The following ADARB2 variants were observed in gnomAD, a reference collection of about 807,000 sequenced individuals.
The protein encoded by ADARB2 is adenosine deaminase RNA specific B2 (inactive).
ADARB2 carries 25 observed loss-of-function variants against 62.2 expected under a neutral mutation model. The observed-to-expected ratio is 0.40, with a 90% CI of 0.29 to 0.56. The LOEUF (loss-of-function observed/expected upper bound fraction) is 0.56, where lower values mean the gene tolerates loss of function less well. Ranked by LOEUF, ADARB2 falls within the 20% of genes least tolerant of loss-of-function variation. The probability of loss-of-function intolerance (pLI) is 0.43; values close to 1 mark genes in which losing one functional copy is unlikely to be tolerated. For missense variants in ADARB2, 1,071 were observed against 1,077.4 expected, an observed-to-expected ratio of 0.99 and a Z score of 0.08; for synonymous variants, 572 against 500.8, an observed-to-expected ratio of 1.14 and a Z score of -1.90.
intron 1 of ADARB2, chr10:1,676,054 C>T: frequency 2.0e-6 from 2 of 985,346 alleles, no homozygotes; most frequent in Non-Finnish European, 2.4e-6. Flanking sequence ...GACCTGAGCC[C>T]CTGTGCACAG....
chr10:1,478,579 G>A (rs1027686831), intron 1 of ADARB2, among the ~76,000 whole-genome samples: 6 of 152,192 alleles, frequency 3.9e-5, no homozygotes, highest in Non-Finnish European at 8.8e-5. Context: ...AGGACCCTCA[G>A]ACGGGAGAGC....
chr10:1,512,484 C>G (rs1044576925), intron 1 of ADARB2, among the ~76,000 whole-genome samples: 9 of 152,186 alleles, frequency 5.9e-5, no homozygotes, highest in Admixed American at 6.5e-5. Flanking sequence ...TCACGTTGGC[C>G]ATCTAATCCT....
intron 7 of ADARB2, among the ~76,000 whole-genome samples, chr10:1,204,065 G>A (rs1837019111): frequency 6.6e-6 from 1 of 152,038 alleles, no homozygotes; most frequent in Non-Finnish European, 1.5e-5. Flanking sequence ...AAGAGCACAG[G>A]GGACAGTTGA....
At chr10:1,724,344 C>T (rs1274973029) in intron 1 of ADARB2, among the ~76,000 whole-genome samples, 2 of 152,180 alleles carry the variant, frequency 1.3e-5, no homozygotes, top group Non-Finnish European at 2.9e-5. Context: ...TTATCTGTGT[C>T]CTGGTGGTGT....
intron 3 of ADARB2, among the ~76,000 whole-genome samples, chr10:1,301,349 CCA>C (rs1831570792): frequency 6.6e-6 from 1 of 152,186 alleles, no homozygotes; most frequent in Non-Finnish European, 1.5e-5. Context: ...ACTCTGGTTA[CCA>C]CCAACAGAGG....
At chr10:1,664,414 C>T (rs1314298605) in intron 1 of ADARB2, among the ~76,000 whole-genome samples, 1 of 152,216 alleles carries the variant, frequency 6.6e-6, no homozygotes, top group Non-Finnish European at 1.5e-5. Context: ...CCATCCTGCA[C>T]TCCCACCAGC....
chr10:1,333,839 C>T (rs921370017), intron 3 of ADARB2, among the ~76,000 whole-genome samples: 1 of 152,174 alleles, frequency 6.6e-6, no homozygotes, highest in African/African-American at 2.4e-5. Context: ...ATGCTAATTC[C>T]TAGGGACAAA....
intron 8 of ADARB2, among the ~76,000 whole-genome samples, chr10:1,194,554 TATC>T (rs1564216436): frequency 1.3e-5 from 2 of 152,098 alleles, no homozygotes; most frequent in South Asian, 2.1e-4. Flanking sequence ...TCTGTCAGTC[TATC>T]ATCTATCTAT....
At chr10:1,539,892 C>T (rs890099348) in intron 1 of ADARB2, among the ~76,000 whole-genome samples, 9 of 152,102 alleles carry the variant, frequency 5.9e-5, no homozygotes, top group East Asian at 3.9e-4. Context: ...GGTATTGGGT[C>T]GGAAGTAGCT....
rs536627090 is a variant in ADARB2 at position 1,582,267 on chromosome 10, C to T, written c.100+154784G>A. ...AGCAGTGGGAAGTGACGTGACCCTG[C>T]GTTACCTGCTGGTGGCAGAGGGAGG... On this transcript the variant is annotated intron_variant, in intron 1 of 9. Transcript: ENST00000381312. 5.6e-4 allele frequency among the ~76,000 whole-genome samples: 85 copies of T among 152,256 alleles called. 1 individual carries two copies. Among genetic ancestry groups the T allele is most frequent in the South Asian group, 2.3e-3 (11 of 4,826 alleles).
At chr10:1,265,236 G>A (rs1372266083) in intron 4 of ADARB2, among the ~76,000 whole-genome samples, 1 of 152,252 alleles carries the variant, frequency 6.6e-6, no homozygotes, top group Non-Finnish European at 1.5e-5. Context: ...TCGGGGTTAT[G>A]TCAATCAAAC....
chr10:1,362,161 T>A (rs564640972), intron 3 of ADARB2, among the ~76,000 whole-genome samples: 1 of 152,332 alleles, frequency 6.6e-6, no homozygotes, highest in African/African-American at 2.4e-5. Flanking sequence ...ATGGAAATAC[T>A]TCAGCGATGA....
At chr10:1,207,609 G>C (rs144451775) in intron 7 of ADARB2, among the ~76,000 whole-genome samples, 8 of 152,294 alleles carry the variant, frequency 5.3e-5, no homozygotes, top group African/African-American at 1.7e-4. Flanking sequence ...ATCTCTAGGT[G>C]GGGGGAGACG....
At chr10:1,327,307 CA>C (rs1831872837) in intron 3 of ADARB2, among the ~76,000 whole-genome samples, 1 of 57,716 alleles carries the variant, frequency 1.7e-5, no homozygotes, top group African/African-American at 6.4e-5. Flanking sequence ...CTCCCCACGG[CA>C]CAGCACCTCC....
At chr10:1,329,718 C>T (rs1030981250) in intron 3 of ADARB2, among the ~76,000 whole-genome samples, 4 of 152,090 alleles carry the variant, frequency 2.6e-5, no homozygotes, top group African/African-American at 9.7e-5. Context: ...AAACAACATC[C>T]CTGCCAGGCA....
intron 1 of ADARB2, among the ~76,000 whole-genome samples, chr10:1,386,702 C>T (rs1832528406): frequency 6.6e-6 from 1 of 151,752 alleles, no homozygotes; most frequent in African/African-American, 2.4e-5. Context: ...ATACATAATG[C>T]TAGTTTGAGA....
chr10:1,366,000 T>C (rs2820612), intron 2 of ADARB2, among the ~76,000 whole-genome samples: 14,889 of 152,206 alleles, frequency 0.098, 1,866 homozygotes, highest in African/African-American at 0.29. Context: ...GATAATAAAA[T>C]TGACTTGCAA....
At chr10:1,581,399 G>GCTCAGGCGGCCA (rs1395956195) in intron 1 of ADARB2, among the ~76,000 whole-genome samples, 1 of 152,226 alleles carries the variant, frequency 6.6e-6, no homozygotes, top group Non-Finnish European at 1.5e-5. Flanking sequence ...GAGGACAGGA[G>GCTCAGGCGGCCA]CTCAGGCGGC....
chr10:1,713,901 A>G (rs1301531282), intron 1 of ADARB2, among the ~76,000 whole-genome samples: 1 of 152,238 alleles, frequency 6.6e-6, no homozygotes, highest in Admixed American at 6.5e-5. Context: ...AGCATGGGCC[A>G]GGGTCAGATG....
Sources: allele counts gnomAD v4.1 joint callset (sites outside exome capture counted in the v4.1 genomes callset), GRCh38; gene constraint gnomAD v4.1.1; transcripts MANE v1.5; gene names NCBI Gene and HGNC (gene_info 2026-07-23, HGNC 2026-07-21).